ADGRG6: variants seen among roughly 807,000 people sequenced by gnomAD.
The protein encoded by ADGRG6 is adhesion G protein-coupled receptor G6.
Under a neutral mutation model 142.4 loss-of-function variants are expected in ADGRG6, and 84 were observed. That is an observed-to-expected ratio of 0.59 (90% CI 0.49 to 0.71). ADGRG6 has a LOEUF of 0.71. ADGRG6 is among the 30% of genes least tolerant of loss of function. The pLI is 0.00. For missense variants in ADGRG6, 1,367 were observed against 1,466.6 expected, an observed-to-expected ratio of 0.93 and a Z score of 1.11; for synonymous variants, 521 against 520.5, an observed-to-expected ratio of 1.00 and a Z score of -0.01.
intron 11 of ADGRG6, 118 bp from the exon 12 acceptor site, chr6:142,401,876 G>A: frequency 1.8e-6 from 1 of 557,896 alleles, no homozygotes; most frequent in Non-Finnish European, 3.2e-6. Context: ...TATCTTAAAG[G>A]GAAGCTTGTC....
chr6:142,317,071 A>G (rs1050040641), intron 2 of ADGRG6, among the ~76,000 whole-genome samples: 3 of 152,150 alleles, frequency 2.0e-5, no homozygotes, highest in Admixed American at 1.3e-4. Flanking sequence ...TTCACCAAAC[A>G]ATAGGGTTTG....
At chr6:142,399,011 G>A (rs1775360498) in intron 10 of ADGRG6, among the ~76,000 whole-genome samples, 1 of 152,108 alleles carries the variant, frequency 6.6e-6, no homozygotes, top group Middle Eastern at 3.2e-3. Context: ...AAATGAATGA[G>A]TCTGCATGAG....
chr6:142,411,481 T>C, intron 18 of ADGRG6, 70 bp downstream of exon 18: 1 of 791,666 alleles, frequency 1.3e-6, no homozygotes, highest in Non-Finnish European at 2.3e-6. Context: ...TTTTTGTATG[T>C]ATTTTTAGAT....
intron 2 of ADGRG6, among the ~76,000 whole-genome samples, chr6:142,343,667 G>A (rs927066600): frequency 8.6e-5 from 13 of 151,700 alleles, no homozygotes; most frequent in African/African-American, 3.1e-4. Context: ...TTGCAAAAAA[G>A]AGCAAGAGTC....
intron 1 of ADGRG6, among the ~76,000 whole-genome samples, chr6:142,308,911 C>T (rs560647002): frequency 6.6e-6 from 1 of 151,758 alleles, no homozygotes; most frequent in East Asian, 1.9e-4. Context: ...TTTCAAAGCA[C>T]CACCTCTCCA....
At chr6:142,393,054 A>G in intron 8 of ADGRG6, 54 bp downstream of exon 8, 1 of 947,332 alleles carries the variant, frequency 1.1e-6, no homozygotes. Flanking sequence ...ATTTAATGCT[A>G]CTATTTGTCT....
At chr6:142,402,342 A>G (rs531746761) in intron 12 of ADGRG6, among the ~76,000 whole-genome samples, 1 of 152,254 alleles carries the variant, frequency 6.6e-6, no homozygotes, top group African/African-American at 2.4e-5. Flanking sequence ...TTAAATAGCA[A>G]ATATACACTA....
At chr6:142,323,705 C>A (rs1457431313) in intron 2 of ADGRG6, among the ~76,000 whole-genome samples, 1 of 152,158 alleles carries the variant, frequency 6.6e-6, no homozygotes, top group Non-Finnish European at 1.5e-5. Flanking sequence ...AGGCTATAAA[C>A]CTGTTTAACA....
chr6:142,400,659 G>A (rs1450986938), intron 11 of ADGRG6, 63 bp downstream of exon 11: 5 of 803,560 alleles, frequency 6.2e-6, no homozygotes, highest in South Asian at 1.4e-5. Flanking sequence ...AGGGTTATAC[G>A]TGCAGCACGG....
intron 2 of ADGRG6, among the ~76,000 whole-genome samples, chr6:142,356,968 A>G (rs565762218): frequency 1.3e-5 from 2 of 152,314 alleles, no homozygotes; most frequent in South Asian, 4.1e-4. Context: ...GTGTTTCACA[A>G]CAATATGTTT....
At chr6:142,351,112 G>A (rs1362552515) in intron 2 of ADGRG6, among the ~76,000 whole-genome samples, 1 of 152,074 alleles carries the variant, frequency 6.6e-6, no homozygotes, top group Non-Finnish European at 1.5e-5. Flanking sequence ...ATGGTGGCGG[G>A]CACCTGTAGT....
chr6:142,378,902 G>GT (rs1781620926), intron 4 of ADGRG6, among the ~76,000 whole-genome samples: 1 of 152,156 alleles, frequency 6.6e-6, no homozygotes, highest in Non-Finnish European at 1.5e-5. Flanking sequence ...TGTAAAAGCT[G>GT]TTTTTACCTT....
intron 15 of ADGRG6, among the ~76,000 whole-genome samples, chr6:142,406,065 G>A (rs1228025027): frequency 6.6e-6 from 1 of 151,958 alleles, no homozygotes; most frequent in African/African-American, 2.4e-5. Flanking sequence ...GCTAAGGCTT[G>A]CATTAAACAA....
rs760125025 is a variant in ADGRG6 at position 142,370,957 on chromosome 6, A to C, written c.1069+164A>C. 10 of 704,788 alleles carry C rather than the reference A, an allele frequency of 1.4e-5. No individual in the cohort carries two copies. The African/African-American group carries it at 1.6e-4, about 11-fold the overall frequency. The allele number at this position is 704,788 out of a possible 1,614,324, so 43.7% of individuals were successfully genotyped here. On this transcript the variant is annotated intron_variant, in intron 4 of 24. Coordinates refer to ENST00000367609, the MANE Select transcript of ADGRG6 (RefSeq NM_198569.3). ...ATTAAAAAGCTCTTTTAATTTTTAA[A>C]ATGTCGTCTGCTCAGCTCTTATAGC...
chr6:142,395,812 A>G (rs1217713991), intron 9 of ADGRG6, among the ~76,000 whole-genome samples: 1 of 152,112 alleles, frequency 6.6e-6, no homozygotes, highest in Non-Finnish European at 1.5e-5. Flanking sequence ...ACAGTCTACT[A>G]CTTTTACATA....
rs561214052 is a variant in ADGRG6 at position 142,362,423 on chromosome 6, A to G, written c.104-5146A>G. Among the ~76,000 whole-genome samples the G allele has an allele frequency of 5.9e-5, 9 of 152,312 alleles. No homozygotes were observed. The South Asian group carries it at 1.4e-3, about 25-fold the overall frequency. Reference sequence around the variant, plus strand: ...TGTGTGAATGAACTGGTATTCTGGCATGTCTGTCAGAAGTTCTGGTAGGGG... The same window carrying G: ...TGTGTGAATGAACTGGTATTCTGGCGTGTCTGTCAGAAGTTCTGGTAGGGG... On this transcript the variant is annotated intron_variant, in intron 2 of 24. Coordinates refer to ENST00000367609, the MANE Select transcript of ADGRG6 (RefSeq NM_198569.3).
At chr6:142,303,316 G>A (rs552954016) in intron 1 of ADGRG6, among the ~76,000 whole-genome samples, 5 of 152,216 alleles carry the variant, frequency 3.3e-5, no homozygotes, top group Middle Eastern at 3.4e-3. Context: ...AGTACATGGG[G>A]AAAGACCTGC....
At position 142,352,005 on chromosome 6, in the gene ADGRG6, A is replaced by G. The variant is rs1780204571; in HGVS notation, c.104-15564A>G. On this transcript the variant is annotated intron_variant, in intron 2 of 24. Coordinates refer to ENST00000367609, the MANE Select transcript of ADGRG6 (RefSeq NM_198569.3). The stretch of plus-strand genomic sequence containing the variant: ...TGCAGAGAAAGGTGAACACTTATAC[A>G]CTGCTGTCAGAAATGTAAATTAGGT... 3.3e-5 allele frequency among the ~76,000 whole-genome samples: 5 copies of G among 152,210 alleles called. No homozygotes were observed. In the South Asian group the frequency reaches 1.0e-3, roughly 32 times the overall value.
In ADGRG6 at chr6:142,405,191, A is replaced by G. The variant is rs187218382; in HGVS notation, c.2128-497A>G. The G allele has an allele frequency of 1.9e-3, 702 of 363,524 alleles. 5 individuals are homozygous for G. The highest frequency in any genetic ancestry group is 9.6e-3 in the Middle Eastern group (25 of 2,610). 22.5% of individuals were successfully genotyped at this position (363,524 alleles called of 1,614,324 possible). A position where few individuals can be genotyped will look rare whatever the true frequency, so the allele number is the denominator to read the frequency against. ...CAGTCAACCTCCGTCTCATTCCAAG[A>G]CAATTTGCAGGAAAGCATTCTTTGT... On this transcript the variant is annotated intron_variant, in intron 14 of 24. Transcript: ENST00000367609.
Sources: allele counts gnomAD v4.1 joint callset (sites outside exome capture counted in the v4.1 genomes callset), GRCh38; gene constraint gnomAD v4.1.1; transcripts MANE v1.5; gene names NCBI Gene and HGNC (gene_info 2026-07-23, HGNC 2026-07-21).